LRRC69: variants seen among roughly 807,000 people sequenced by gnomAD.
The protein encoded by LRRC69 is leucine-rich repeat-containing protein 69.
LRRC69 carries 42 observed loss-of-function variants against 37.8 expected under a neutral mutation model. The observed-to-expected ratio is 1.11, with a 90% confidence interval of 0.87 to 1.44. The LOEUF is 1.44. Ranked by LOEUF, LRRC69 falls within the 40% of genes most tolerant of loss-of-function variation. The probability of loss-of-function intolerance (pLI) is 0.00; values close to 1 mark genes in which losing one functional copy is unlikely to be tolerated. For missense variants in LRRC69, 357 were observed against 401.9 expected, an observed-to-expected ratio of 0.89 and a Z score of 0.96; for synonymous variants, 141 against 143.1, an observed-to-expected ratio of 0.99 and a Z score of 0.11.
At position 91,176,211 on chromosome 8, in the gene LRRC69, T is replaced by C. The variant is rs1809226870; in HGVS notation, c.652-13311T>C. Among the ~76,000 whole-genome samples the C allele has an allele frequency of 1.3e-5, 2 of 149,674 alleles. 1 individual carries two copies. Among genetic ancestry groups the C allele is most frequent in the South Asian group, 4.2e-4 (2 of 4,706 alleles). On this transcript the variant is annotated intron_variant, in intron 5 of 7. Transcript: ENST00000448384. Reference sequence around the variant, plus strand: ...GTGCAGTGGTGCAATCTCAGTTCACTACAACCTCCGCCTCCTGGGTTCAAG... The same window carrying C: ...GTGCAGTGGTGCAATCTCAGTTCACCACAACCTCCGCCTCCTGGGTTCAAG...
chr8:91,210,387 A>G (rs753998165), intron 7 of LRRC69, among the ~76,000 whole-genome samples: 2 of 152,180 alleles, frequency 1.3e-5, no homozygotes, highest in Non-Finnish European at 2.9e-5. Context: ...TTGATTGATG[A>G]TGATACCATT....
chr8:91,196,960 C>T (rs1809614150), intron 6 of LRRC69, among the ~76,000 whole-genome samples: 1 of 151,814 alleles, frequency 6.6e-6, no homozygotes, highest in African/African-American at 2.4e-5. Flanking sequence ...GTTTTTTCCC[C>T]ATCTTTGTGG....
intron 5 of LRRC69, among the ~76,000 whole-genome samples, chr8:91,152,032 T>G (rs1808748493): frequency 6.6e-6 from 1 of 151,800 alleles, no homozygotes; most frequent in Non-Finnish European, 1.5e-5. Flanking sequence ...AAATTCTGAA[T>G]ATTAGACCTT....
chr8:91,111,985 A>T (rs1488773757), intron 1 of LRRC69, among the ~76,000 whole-genome samples: 1 of 152,024 alleles, frequency 6.6e-6, no homozygotes, highest in African/African-American at 2.4e-5. Context: ...CAAAAGGAGG[A>T]TGCCTTCATG....
chr8:91,160,027 T>A (rs1471226394), intron 5 of LRRC69, among the ~76,000 whole-genome samples: 1 of 151,290 alleles, frequency 6.6e-6, no homozygotes, highest in Non-Finnish European at 1.5e-5. Flanking sequence ...ACATGAGATG[T>A]CTTTCCATTT....
rs557733966 is a variant in LRRC69, at chr8:91,176,587, G to A, written c.652-12935G>A. On this transcript the variant is annotated intron_variant, in intron 5 of 7. Transcript: ENST00000448384. ...TTTGAGCAGTCTCACTTCACTAACTGCTGTATACAAGCTGAAGGCCCAGGA... is the reference window on the plus strand; with the variant it reads ...TTTGAGCAGTCTCACTTCACTAACTACTGTATACAAGCTGAAGGCCCAGGA... Among the ~76,000 whole-genome samples, 13 of 152,256 alleles carry A rather than the reference G, an allele frequency of 8.5e-5. No individual in the cohort carries two copies. In the East Asian group the frequency reaches 2.5e-3, roughly 29 times the overall value.
At chr8:91,119,268 C>T (rs1813573579) in intron 1 of LRRC69, among the ~76,000 whole-genome samples, 1 of 152,076 alleles carries the variant, frequency 6.6e-6, no homozygotes, top group South Asian at 2.1e-4. Context: ...AAGTAATCTA[C>T]ACTGAAGCTC....
intron 6 of LRRC69, among the ~76,000 whole-genome samples, chr8:91,191,828 C>A (rs1809501174): frequency 6.6e-6 from 1 of 151,940 alleles, no homozygotes; most frequent in South Asian, 2.1e-4. Context: ...GGTCCAGGAG[C>A]ACAAAAGTTA....
intron 7 of LRRC69, among the ~76,000 whole-genome samples, chr8:91,207,513 G>T (rs1809825389): frequency 6.6e-6 from 1 of 152,212 alleles, no homozygotes; most frequent in Non-Finnish European, 1.5e-5. Context: ...AAATGGGATA[G>T]TCCCTGGTTT....
chr8:91,160,818 A>G (rs1808926010), intron 5 of LRRC69, among the ~76,000 whole-genome samples: 1 of 151,288 alleles, frequency 6.6e-6, no homozygotes, highest in Non-Finnish European at 1.5e-5. Context: ...ACTATGTTGA[A>G]TAAGAGTGGT....
At chr8:91,152,580 C>T (rs1029802134) in intron 5 of LRRC69, among the ~76,000 whole-genome samples, 5 of 151,496 alleles carry the variant, frequency 3.3e-5, no homozygotes, top group African/African-American at 1.2e-4. Flanking sequence ...CAGTTTTGTT[C>T]TTTTTGCTTA....
At chr8:91,102,812 A>G in exon 1 of LRRC69, 1 of 1,551,344 alleles carries the variant, frequency 6.4e-7, no homozygotes, top group Non-Finnish European at 8.7e-7. Flanking sequence ...CCTAATCCCC[A>G]AAGTGTGTCC....
chr8:91,162,581 CTT>C lies in LRRC69; in HGVS notation c.651+26845_651+26846del, dbSNP rs976675035. On this transcript the variant is annotated intron_variant, in intron 5 of 7. Transcript: ENST00000448384. ...ATGTAAGTATAGTTACTCCTGCTCACTTTTGTTTTCCATTTGTATGGAACATC... is the reference window on the plus strand; with the variant it reads ...ATGTAAGTATAGTTACTCCTGCTCACTTGTTTTCCATTTGTATGGAACATC... 6.5e-4 allele frequency among the ~76,000 whole-genome samples: 99 copies of C among 151,424 alleles called. 1 individual carries two copies. The highest frequency in any genetic ancestry group is 2.3e-3 in the African/African-American group (97 of 41,446).
chr8:91,133,089 T>C, intron 3 of LRRC69, 21 bp from the exon 4 acceptor site: 1 of 1,354,506 alleles, frequency 7.4e-7, no homozygotes, highest in Non-Finnish European at 9.9e-7. Flanking sequence ...TTCATATACT[T>C]TGGTGTTTTT....
intron 5 of LRRC69, chr8:91,157,482 A>C: frequency 6.3e-7 from 1 of 1,593,836 alleles, no homozygotes; most frequent in East Asian, 2.2e-5. Context: ...GTTTACATGC[A>C]AATTGGAGAC....
At chr8:91,213,004 G>A (rs12549426) in intron 7 of LRRC69, among the ~76,000 whole-genome samples, 72,391 of 151,996 alleles carry the variant, frequency 0.48, 18,665 homozygotes, top group South Asian at 0.66. Context: ...GCTGGATACA[G>A]TCACAGTAGT....
chr8:91,156,566 T>G (rs948402099), intron 5 of LRRC69, among the ~76,000 whole-genome samples: 6 of 151,116 alleles, frequency 4.0e-5, no homozygotes, highest in African/African-American at 1.5e-4. Flanking sequence ...ATGCAGAAAC[T>G]TTTAAGTTTG....
chr8:91,167,382 C>G (rs1809048417), intron 5 of LRRC69, among the ~76,000 whole-genome samples: 1 of 151,520 alleles, frequency 6.6e-6, no homozygotes, highest in Admixed American at 6.6e-5. Flanking sequence ...ATCACGAGAA[C>G]AGCCCGGGAA....
chr8:91,120,884 C>T (rs543073898), intron 1 of LRRC69, among the ~76,000 whole-genome samples: 21 of 152,036 alleles, frequency 1.4e-4, no homozygotes, highest in Admixed American at 9.2e-4. Flanking sequence ...TTGATTACTC[C>T]GGAGAACCCT....
Sources: gnomAD v4.1 joint callset for allele counts (sites outside exome capture counted in the v4.1 genomes callset) on GRCh38, gnomAD v4.1.1 for gene constraint, MANE v1.5 for transcripts, NCBI Gene and HGNC (gene_info 2026-07-23, HGNC 2026-07-21) for gene names.